PDE4B: variants seen among roughly 807,000 people sequenced by gnomAD.
PDE4B encodes 3',5'-cyclic-AMP phosphodiesterase 4B.
Under a neutral mutation model 82.2 loss-of-function variants are expected in PDE4B, and 20 were observed. The ratio of observed to expected loss-of-function variants is 0.24; its 90% CI spans 0.17 to 0.35. PDE4B has a LOEUF of 0.35. PDE4B is among the 10% of genes least tolerant of loss of function. The pLI, the probability that PDE4B is intolerant of heterozygous loss-of-function variation, is 1.00. For synonymous variants in PDE4B, 320 were observed against 318.9 expected, an observed-to-expected ratio of 1.00 and a Z score of -0.04; for missense variants, 655 against 907.2, an observed-to-expected ratio of 0.72 and a Z score of 3.57.
At chr1:66,042,341 A>T (rs1570065847) in intron 3 of PDE4B, among the ~76,000 whole-genome samples, 1 of 151,894 alleles carries the variant, frequency 6.6e-6, no homozygotes, top group East Asian at 1.9e-4. Context: ...TTGATGGATG[A>T]AAAAATAATG....
intron 1 of PDE4B, among the ~76,000 whole-genome samples, chr1:65,797,052 A>G (rs2101151039): frequency 6.6e-6 from 1 of 151,354 alleles, no homozygotes; most frequent in Admixed American, 6.6e-5. Context: ...TCCCAGGTTC[A>G]CGCCATTCTC....
intron 3 of PDE4B, among the ~76,000 whole-genome samples, chr1:66,188,764 C>G (rs59635911): frequency 0.5 from 74,823 of 150,334 alleles, 19,228 homozygotes; most frequent in South Asian, 0.63. Context: ...ATACAGCACA[C>G]TGATCGGTCT....
rs150800643 is a variant in PDE4B at position 66,279,509 on chromosome 1, C to A, written c.634+13422C>A. ...ATGTGGTGGCACACTCCTGTAATCCCAGCTGCTCAGGAGGCTGAGGCAAGA... is the reference window on the plus strand; with the variant it reads ...ATGTGGTGGCACACTCCTGTAATCCAAGCTGCTCAGGAGGCTGAGGCAAGA... On this transcript the variant is annotated intron_variant, in intron 7 of 16. Coordinates refer to ENST00000341517, the MANE Select transcript of PDE4B (RefSeq NM_002600.4). Among the ~76,000 whole-genome samples the A allele has an allele frequency of 2.3e-4, 35 of 152,208 alleles. No homozygotes were observed. In the East Asian group the frequency reaches 6.8e-3, roughly 29 times the overall value.
intron 3 of PDE4B, among the ~76,000 whole-genome samples, chr1:65,997,676 C>T (rs1304777147): frequency 6.6e-6 from 1 of 152,170 alleles, no homozygotes; most frequent in Admixed American, 6.5e-5. Context: ...ATTGATTCAA[C>T]ATTTGTTTGA....
At chr1:66,355,426 T>G in intron 8 of PDE4B, 101 bp from the exon 9 acceptor site, 1 of 632,234 alleles carries the variant, frequency 1.6e-6, no homozygotes, top group Non-Finnish European at 2.8e-6. Flanking sequence ...TGGTATCTGC[T>G]CATCCAACCT....
intron 8 of PDE4B, among the ~76,000 whole-genome samples, chr1:66,342,769 G>C (rs958093467): frequency 2.1e-5 from 3 of 146,204 alleles, no homozygotes; most frequent in African/African-American, 7.6e-5. Flanking sequence ...ATGAGGCCAG[G>C]CCAGTGGCTC....
chr1:66,022,333 T>C lies in PDE4B; in HGVS notation c.281+103498T>C, dbSNP rs534312106. Among the ~76,000 whole-genome samples the C allele has an allele frequency of 2.1e-3, 325 of 152,300 alleles. 1 individual carries two copies. The highest frequency in any genetic ancestry group is 7.6e-3 in the African/African-American group (314 of 41,568). On this transcript the variant is annotated intron_variant, in intron 3 of 16. Coordinates refer to ENST00000341517, the MANE Select transcript of PDE4B (RefSeq NM_002600.4). ...CTTGCCTGATTGCCCTGGCCAGAAC[T>C]TCCAACACTGTTGAATAGGAGTGGT... is the stretch of plus-strand genomic sequence containing the variant.
Position 66,165,072 on chromosome 1 carries a change from A to G in PDE4B, c.282-82388A>G, listed in dbSNP as rs1188240475. Among the ~76,000 whole-genome samples the G allele has an allele frequency of 2.0e-5, 3 of 152,050 alleles. No individual in the cohort carries two copies. The East Asian group carries it at 5.8e-4, about 29-fold the overall frequency. ...CACCACGCCTGGCCACTTAATTTCT[A>G]TAACTTACATTTGAATTCCTGCACT... On this transcript the variant is annotated intron_variant, in intron 3 of 16. Transcript: ENST00000341517.
intron 1 of PDE4B, among the ~76,000 whole-genome samples, chr1:65,807,589 T>C (rs773069828): frequency 1.3e-5 from 2 of 152,208 alleles, no homozygotes; most frequent in African/African-American, 2.4e-5. Context: ...CAACTGTCGA[T>C]TGTAGTGCTA....
Position 66,320,341 on chromosome 1 carries a change from A to G in PDE4B, c.635-12167A>G, listed in dbSNP as rs527982133. Among the ~76,000 whole-genome samples the G allele has an allele frequency of 4.6e-5, 7 of 152,278 alleles. No individual in the cohort carries two copies. The South Asian group carries it at 8.3e-4, about 18-fold the overall frequency. On this transcript the variant is annotated intron_variant, in intron 7 of 16. Coordinates refer to ENST00000341517, the MANE Select transcript of PDE4B (RefSeq NM_002600.4). ...GTACTCAGTGAGAGTTAAATATCCA[A>G]ATCTGCAAGTGATTTTGCAGAAGTG... is the stretch of plus-strand genomic sequence containing the variant.
intron 7 of PDE4B, among the ~76,000 whole-genome samples, chr1:66,308,084 T>A (rs929758086): frequency 7.2e-5 from 11 of 152,154 alleles, no homozygotes; most frequent in Non-Finnish European, 1.3e-4. Flanking sequence ...GTGAACTGTG[T>A]ACAAAAAGAC....
intron 12 of PDE4B, 36 bp from the exon 13 acceptor site, chr1:66,365,631 T>G: frequency 8.2e-7 from 1 of 1,215,852 alleles, no homozygotes; most frequent in Non-Finnish European, 1.2e-6. Context: ...ATAGGCGAAT[T>G]GGATGTGTAG....
chr1:66,285,380 G>A (rs1440628967), intron 7 of PDE4B, among the ~76,000 whole-genome samples: 2 of 152,060 alleles, frequency 1.3e-5, no homozygotes, highest in Admixed American at 1.3e-4. Context: ...GGGTACAAGT[G>A]CAGGCTTCTT....
chr1:65,897,189 A>G (rs536356078), intron 1 of PDE4B, among the ~76,000 whole-genome samples: 2 of 151,820 alleles, frequency 1.3e-5, no homozygotes, highest in East Asian at 3.9e-4. Flanking sequence ...TGAATGTTCC[A>G]CAGTTACTAT....
intron 7 of PDE4B, among the ~76,000 whole-genome samples, chr1:66,296,865 T>G (rs1194927431): frequency 1.3e-5 from 2 of 152,200 alleles, no homozygotes; most frequent in Non-Finnish European, 2.9e-5. Context: ...TATCCCTTCT[T>G]TAGTCAGAAG....
intron 7 of PDE4B, among the ~76,000 whole-genome samples, chr1:66,295,342 G>A (rs530721494): frequency 6.6e-6 from 1 of 152,204 alleles, no homozygotes; most frequent in Admixed American, 6.5e-5. Context: ...CCACATGTCT[G>A]TGTGTTTTGT....
chr1:65,947,684 A>G (rs1648780859), intron 3 of PDE4B, among the ~76,000 whole-genome samples: 1 of 151,980 alleles, frequency 6.6e-6, no homozygotes, highest in Admixed American at 6.6e-5. Flanking sequence ...GAAGACAGTT[A>G]TGTAAATCTG....
intron 3 of PDE4B, among the ~76,000 whole-genome samples, chr1:66,057,480 A>T (rs928035475): frequency 6.6e-6 from 1 of 152,184 alleles, no homozygotes; most frequent in Admixed American, 6.5e-5. Context: ...AGGCTAATAC[A>T]TATTATATTC....
At chr1:66,304,855 A>G (rs1171905975) in intron 7 of PDE4B, among the ~76,000 whole-genome samples, 2 of 152,144 alleles carry the variant, frequency 1.3e-5, no homozygotes, top group African/African-American at 4.8e-5. Flanking sequence ...CTCCCTGATC[A>G]CATAAACCCA....
Sources: gnomAD v4.1 joint callset for allele counts (sites outside exome capture counted in the v4.1 genomes callset) on GRCh38, gnomAD v4.1.1 for gene constraint, MANE v1.5 for transcripts, NCBI Gene and HGNC (gene_info 2026-07-23, HGNC 2026-07-21) for gene names.